The following EPHA6 variants were observed in gnomAD, a reference collection of about 807,000 sequenced individuals.
EPHA6 encodes ephrin type-A receptor 6.
A neutral mutation model predicts 112.0 loss-of-function variants in EPHA6; 50 were observed. That is an observed-to-expected ratio of 0.45 (90% CI 0.36 to 0.56). EPHA6 has a LOEUF of 0.56. Ranked by LOEUF, EPHA6 falls within the 20% of genes least tolerant of loss-of-function variation. The pLI is 0.00. For synonymous variants in EPHA6, 529 were observed against 490.7 expected (o/e 1.08, Z -1.03); for missense variants, 1,280 against 1,417.4 (o/e 0.90, Z 1.56).
intron 3 of EPHA6, among the ~76,000 whole-genome samples, chr3:97,211,606 T>G (rs1243489428): frequency 6.6e-6 from 1 of 152,152 alleles, no homozygotes; most frequent in Non-Finnish European, 1.5e-5. Context: ...CATTCCCTTA[T>G]AAGGGCACTA....
intron 3 of EPHA6, among the ~76,000 whole-genome samples, chr3:97,221,064 C>A (rs2108533119): frequency 6.6e-6 from 1 of 151,708 alleles, no homozygotes; most frequent in Middle Eastern, 3.4e-3. Context: ...GCCTATAATC[C>A]CAGCACTTTG....
intron 14 of EPHA6, among the ~76,000 whole-genome samples, chr3:97,641,845 C>G (rs373367584): frequency 6.6e-6 from 1 of 151,938 alleles, no homozygotes; most frequent in Admixed American, 6.5e-5. Flanking sequence ...AACTGCAAGG[C>G]GGCAGCGAGG....
chr3:97,498,572 G>A (rs1373138502), intron 10 of EPHA6, among the ~76,000 whole-genome samples: 1 of 152,142 alleles, frequency 6.6e-6, no homozygotes, highest in African/African-American at 2.4e-5. Flanking sequence ...TCTTATATTT[G>A]ATGTATTGGC....
intron 2 of EPHA6, among the ~76,000 whole-genome samples, chr3:96,920,346 G>GAA (rs1415304968): frequency 6.6e-6 from 1 of 151,860 alleles, no homozygotes; most frequent in Non-Finnish European, 1.5e-5. Flanking sequence ...CTGTCTATTA[G>GAA]AAAAATGCCC....
intron 2 of EPHA6, among the ~76,000 whole-genome samples, chr3:96,908,942 T>G (rs1460287847): frequency 6.6e-6 from 1 of 151,852 alleles, no homozygotes; most frequent in Non-Finnish European, 1.5e-5. Flanking sequence ...TTTCAGAGAT[T>G]TGTAAAGTAA....
At chr3:97,123,887 C>T (rs536230593) in intron 3 of EPHA6, among the ~76,000 whole-genome samples, 2 of 151,992 alleles carry the variant, frequency 1.3e-5, no homozygotes, top group East Asian at 1.9e-4. Context: ...TAGCTGCATA[C>T]ATTGTCACAG....
intron 14 of EPHA6, among the ~76,000 whole-genome samples, chr3:97,659,490 G>A (rs190389192): frequency 1.7e-4 from 26 of 152,122 alleles, no homozygotes; most frequent in Non-Finnish European, 3.1e-4. Context: ...GTGTGAGGCA[G>A]TGAGAGTTTC....
rs898133125 is a variant in EPHA6, at chr3:97,749,570, A to T, written c.*869A>T. Among the ~76,000 whole-genome samples the T allele has an allele frequency of 2.0e-5, 3 of 152,198 alleles. No homozygotes were observed. The highest frequency in any genetic ancestry group is 2.0e-4 in the Admixed American group (3 of 15,270). On this transcript the variant is annotated 3_prime_UTR_variant, in exon 18 of 18. Transcript: ENST00000389672. ...GAGAAAAGCTTGGGATAAATCCATG[A>T]CTATTTCCTTTGTGCATTGTCACAA... is the stretch of plus-strand genomic sequence containing the variant.
Position 97,613,473 on chromosome 3 carries a change from G to A in EPHA6, c.2574+2619G>A, listed in dbSNP as rs563679047. 1.1e-3 allele frequency among the ~76,000 whole-genome samples: 174 copies of A among 152,238 alleles called. 1 individual carries two copies. Among genetic ancestry groups the A allele is most frequent in the Non-Finnish European group, 1.8e-3 (120 of 68,010 alleles). ...CTTCAATTTGTTATTTTATTATGAAGGAGTGGTAGCACTACTAAGTACAAG... is the reference window on the plus strand; with the variant it reads ...CTTCAATTTGTTATTTTATTATGAAAGAGTGGTAGCACTACTAAGTACAAG... On this transcript the variant is annotated intron_variant, in intron 13 of 17. Transcript: ENST00000389672.
chr3:97,682,618 A>G (rs1357801311), intron 14 of EPHA6, among the ~76,000 whole-genome samples: 1 of 152,002 alleles, frequency 6.6e-6, no homozygotes, highest in African/African-American at 2.4e-5. Context: ...TGATCTCCCT[A>G]TTACATTGTG....
chr3:97,616,446 G>A (rs1216905346), intron 13 of EPHA6, among the ~76,000 whole-genome samples: 1 of 152,146 alleles, frequency 6.6e-6, no homozygotes, highest in Admixed American at 6.5e-5. Context: ...TGAGACGACA[G>A]AAGTAGGCTT....
intron 14 of EPHA6, among the ~76,000 whole-genome samples, chr3:97,712,527 T>C (rs1363256385): frequency 6.6e-6 from 1 of 152,214 alleles, no homozygotes; most frequent in Non-Finnish European, 1.5e-5. Context: ...GTTCTCATAA[T>C]AAAGTACATA....
chr3:97,255,665 A>G (rs2079287793), intron 5 of EPHA6, among the ~76,000 whole-genome samples: 1 of 152,204 alleles, frequency 6.6e-6, no homozygotes, highest in Non-Finnish European at 1.5e-5. Flanking sequence ...GAAAGACTCA[A>G]ATAATTAGCA....
At chr3:97,577,925 G>T (rs1463225298) in intron 11 of EPHA6, among the ~76,000 whole-genome samples, 1 of 152,132 alleles carries the variant, frequency 6.6e-6, no homozygotes, top group Non-Finnish European at 1.5e-5. Flanking sequence ...TGCAGTGACA[G>T]ACTGAGAACA....
intron 2 of EPHA6, among the ~76,000 whole-genome samples, chr3:96,978,369 G>T (rs62263710): frequency 0.17 from 25,312 of 151,866 alleles, 2,350 homozygotes; most frequent in Non-Finnish European, 0.21. Flanking sequence ...GCTTAAACCT[G>T]TGTTCAGGTT....
At chr3:97,390,531 ATAAT>A (rs1396819878) in intron 5 of EPHA6, among the ~76,000 whole-genome samples, 1 of 151,762 alleles carries the variant, frequency 6.6e-6, no homozygotes, top group African/African-American at 2.4e-5. Flanking sequence ...TATGAATAAT[ATAAT>A]TATTCATACA....
intron 15 of EPHA6, among the ~76,000 whole-genome samples, chr3:97,733,520 T>C (rs1213995585): frequency 6.6e-6 from 1 of 152,072 alleles, no homozygotes; most frequent in East Asian, 1.9e-4. Context: ...AATCCAAAAA[T>C]TTCTTCTAAT....
At chr3:97,680,321 T>C (rs760384407) in intron 14 of EPHA6, among the ~76,000 whole-genome samples, 1 of 152,174 alleles carries the variant, frequency 6.6e-6, no homozygotes, top group African/African-American at 2.4e-5. Flanking sequence ...GAGATTCCCA[T>C]GTAGAAACAC....
chr3:97,203,274 A>G (rs2077627443), intron 3 of EPHA6, among the ~76,000 whole-genome samples: 1 of 152,130 alleles, frequency 6.6e-6, no homozygotes, highest in Admixed American at 6.6e-5. Flanking sequence ...CAAGCAAGAA[A>G]TCAAGGTAAT....
Sources: gnomAD v4.1 joint callset for allele counts (sites outside exome capture counted in the v4.1 genomes callset) on GRCh38, gnomAD v4.1.1 for gene constraint, MANE v1.5 for transcripts, NCBI Gene and HGNC (gene_info 2026-07-23, HGNC 2026-07-21) for gene names.